Variants in CD53 observed in about 807,000 individuals in gnomAD.
The protein encoded by CD53 is CD53 molecule, also known as leukocyte surface antigen CD53.
A neutral mutation model predicts 27.3 loss-of-function variants in CD53; 20 were observed. The ratio of observed to expected loss-of-function variants is 0.73; its 90% CI spans 0.52 to 1.07. The LOEUF (loss-of-function observed/expected upper bound fraction) is 1.07, where lower values mean the gene tolerates loss of function less well. CD53 is among the 50% of genes least tolerant of loss of function. The probability of loss-of-function intolerance (pLI) is 0.00; values close to 1 mark genes in which losing one functional copy is unlikely to be tolerated. For missense variants in CD53, 216 were observed against 264.0 expected, an observed-to-expected ratio of 0.82 and a Z score of 1.26; for synonymous variants, 106 against 105.3, an observed-to-expected ratio of 1.01 and a Z score of -0.04.
chr1:110,890,791 G>A (rs1656820291), intron 1 of CD53, among the ~76,000 whole-genome samples: 1 of 152,136 alleles, frequency 6.6e-6, no homozygotes, highest in South Asian at 2.1e-4. Context: ...CTGTAAGACT[G>A]TTGTCTTCTG....
intron 6 of CD53, 78 bp from the exon 7 acceptor site, chr1:110,897,731 C>T (rs2101068926): frequency 6.0e-6 from 5 of 839,902 alleles, no homozygotes; most frequent in Non-Finnish European, 1.0e-5. Context: ...AAATGCAAAG[C>T]ACTGTATCTT....
intron 1 of CD53, among the ~76,000 whole-genome samples, chr1:110,886,532 A>G (rs1656610507): frequency 1.3e-5 from 2 of 152,128 alleles, no homozygotes; most frequent in South Asian, 2.1e-4. Context: ...TTCTCAACTC[A>G]TGATGCTCTG....
intron 2 of CD53, 84 bp downstream of exon 2, chr1:110,891,555 G>A: frequency 7.8e-6 from 7 of 893,678 alleles, no homozygotes; most frequent in South Asian, 1.4e-5. Context: ...AGGCTGGTGT[G>A]GGGTAAAATG....
At chr1:110,893,131 T>G (rs1040576317) in intron 3 of CD53, among the ~76,000 whole-genome samples, 1 of 152,230 alleles carries the variant, frequency 6.6e-6, no homozygotes. Context: ...GTTTTGCCTG[T>G]AAGCACAGTG....
At chr1:110,898,120 G>A (rs1160575986) in intron 7 of CD53, among the ~76,000 whole-genome samples, 1 of 152,168 alleles carries the variant, frequency 6.6e-6, no homozygotes, top group African/African-American at 2.4e-5. Flanking sequence ...GCTCACGCCT[G>A]TAATCCCAGC....
intron 1 of CD53, among the ~76,000 whole-genome samples, chr1:110,886,568 G>T (rs1190801870): frequency 1.3e-5 from 2 of 151,662 alleles, no homozygotes; most frequent in African/African-American, 2.4e-5. Flanking sequence ...TTATTTTCTG[G>T]CCAGGCATGG....
At chr1:110,876,173 T>G (rs1351504296) in intron 1 of CD53, among the ~76,000 whole-genome samples, 2 of 152,230 alleles carry the variant, frequency 1.3e-5, no homozygotes, top group African/African-American at 4.8e-5. Context: ...ATAGGAGCTG[T>G]CGCAACTGTC....
intron 2 of CD53, among the ~76,000 whole-genome samples, 170 bp from the exon 3 acceptor site, chr1:110,892,175 G>T (rs1656879534): frequency 6.6e-6 from 1 of 152,180 alleles, no homozygotes; most frequent in Non-Finnish European, 1.5e-5. Context: ...AGAAAGCTGA[G>T]ATTGCCTCTC....
At chr1:110,885,826 T>A (rs560049475) in intron 1 of CD53, among the ~76,000 whole-genome samples, 1 of 152,070 alleles carries the variant, frequency 6.6e-6, no homozygotes, top group Non-Finnish European at 1.5e-5. Flanking sequence ...ATCACACCAC[T>A]GCACTCCAGC....
At chr1:110,889,830 A>G (rs1023883348) in intron 1 of CD53, among the ~76,000 whole-genome samples, 1 of 152,188 alleles carries the variant, frequency 6.6e-6, no homozygotes, top group African/African-American at 2.4e-5. Flanking sequence ...AAATCATTAC[A>G]CTTTACTTCT....
chr1:110,876,305 C>G (rs1169957555), intron 1 of CD53, among the ~76,000 whole-genome samples: 1 of 152,082 alleles, frequency 6.6e-6, no homozygotes, highest in Non-Finnish European at 1.5e-5. Context: ...ACTATAGTCC[C>G]TTTTCTAAGA....
chr1:110,874,985 T>C (rs1346497963), intron 1 of CD53, among the ~76,000 whole-genome samples: 2 of 152,302 alleles, frequency 1.3e-5, no homozygotes, highest in African/African-American at 4.8e-5. Context: ...TTATTATGGA[T>C]GACAGTCACA....
intron 1 of CD53, among the ~76,000 whole-genome samples, chr1:110,886,596 C>A (rs1656612651): frequency 6.6e-6 from 1 of 151,986 alleles, no homozygotes; most frequent in East Asian, 1.9e-4. Flanking sequence ...CACCTGTAAT[C>A]CCAGCACTTT....
Position 110,899,445 on chromosome 1 carries a change from T to A in CD53, c.*250T>A, listed in dbSNP as rs1657211011. On this transcript the variant is annotated 3_prime_UTR_variant, in exon 8 of 8. Coordinates refer to ENST00000271324, the MANE Select transcript of CD53 (RefSeq NM_000560.4). ...AAGTGGTGAAACTAATATCTGAGCA[T>A]CTTTTAGACAAGAGAGGCAAAGACA... 1 of 382,614 alleles carries A rather than the reference T, an allele frequency of 2.6e-6. No homozygotes were observed. Among genetic ancestry groups the A allele is most frequent in the Non-Finnish European group, 4.8e-6 (1 of 207,714 alleles). The allele number at this position is 382,614 out of a possible 1,614,324, so 23.7% of individuals were successfully genotyped here.
At chr1:110,897,945 A>G in intron 7 of CD53, 53 bp downstream of exon 7, 1 of 992,980 alleles carries the variant, frequency 1.0e-6, no homozygotes, top group Non-Finnish European at 1.6e-6. Flanking sequence ...TAAGTCAGGT[A>G]AGATTTCAGA....
At chr1:110,881,003 A>G (rs1656332639) in intron 1 of CD53, among the ~76,000 whole-genome samples, 1 of 152,230 alleles carries the variant, frequency 6.6e-6, no homozygotes, top group Non-Finnish European at 1.5e-5. Context: ...TTACCAAAGT[A>G]AGGAAGGAAG....
chr1:110,894,228 C>A, intron 3 of CD53, 99 bp from the exon 4 acceptor site: 8 of 978,188 alleles, frequency 8.2e-6, no homozygotes, highest in Non-Finnish European at 1.3e-5. Flanking sequence ...ACAGGAACAC[C>A]CTGTACTCGT....
At position 110,894,419 on chromosome 1, in the gene CD53, C is replaced by A. The variant is rs1239219489; in HGVS notation, c.327+18C>A. The A allele has an allele frequency of 1.9e-6, 3 of 1,578,740 alleles. No individual in the cohort carries two copies. The highest frequency in any genetic ancestry group is 2.6e-6 in the Non-Finnish European group (3 of 1,147,712). On this transcript the variant is annotated intron_variant, in intron 4 of 7. Transcript: ENST00000271324. ...AACAGAAGGTAAGTTATAAAGACAA[C>A]AACTTATTGTCTTAATACTGAAAGT... is the stretch of plus-strand genomic sequence containing the variant.
intron 1 of CD53, among the ~76,000 whole-genome samples, chr1:110,877,821 C>T (rs1494318): frequency 0.97 from 147,289 of 152,304 alleles, 71,392 homozygotes; most frequent in East Asian, 1. Flanking sequence ...TTTATTTTAC[C>T]CCTACTTCTT....
Sources: gnomAD v4.1 joint callset for allele counts (sites outside exome capture counted in the v4.1 genomes callset) on GRCh38, gnomAD v4.1.1 for gene constraint, MANE v1.5 for transcripts, NCBI Gene and HGNC (gene_info 2026-07-23, HGNC 2026-07-21) for gene names.